The following CPXM2 variants were observed in gnomAD, a reference collection of about 807,000 sequenced individuals.
The protein encoded by CPXM2 is inactive carboxypeptidase-like protein X2.
In CPXM2, 66 loss-of-function variants were observed where a neutral mutation model predicts 86.1. The ratio of observed to expected loss-of-function variants is 0.77; its 90% CI spans 0.63 to 0.94. The LOEUF is 0.94. Among genes scored for constraint, CPXM2 ranks in the 40% least tolerant of loss-of-function variants. The pLI, the probability that CPXM2 is intolerant of heterozygous loss-of-function variation, is 0.00. For missense variants in CPXM2, 948 were observed against 1,026.3 expected, an observed-to-expected ratio of 0.92 and a Z score of 1.04; for synonymous variants, 388 against 400.2, an observed-to-expected ratio of 0.97 and a Z score of 0.36.
intron 13 of CPXM2, chr10:123,752,338 T>C (rs1031176531): frequency 3.7e-5 from 36 of 984,828 alleles, no homozygotes; most frequent in Non-Finnish European, 4.1e-5. Context: ...TTCATGGCTA[T>C]AAGATCAGTG....
At chr10:123,818,855 C>T (rs1163123507) in intron 4 of CPXM2, among the ~76,000 whole-genome samples, 1 of 152,304 alleles carries the variant, frequency 6.6e-6, no homozygotes, top group South Asian at 2.1e-4. Context: ...ATATATGGTA[C>T]TGTTTCTCCC....
chr10:123,828,508 T>C lies in CPXM2; in HGVS notation c.653+13841A>G, dbSNP rs183419613. Among the ~76,000 whole-genome samples, 53 of 152,316 alleles carry C rather than the reference T, an allele frequency of 3.5e-4. 1 individual carries two copies. Among genetic ancestry groups the C allele is most frequent in the African/African-American group, 1.0e-3 (43 of 41,576 alleles). ...TCATGAGATCTGATGGTTTTATAAA[T>C]AGGAGTTTGCCTGCACAAGCTCTCT... is the stretch of plus-strand genomic sequence containing the variant. On this transcript the variant is annotated intron_variant, in intron 4 of 13. Transcript: ENST00000241305.
At chr10:123,920,523 T>C (rs1201686977) in intron 2 of CPXM2, among the ~76,000 whole-genome samples, 1 of 152,220 alleles carries the variant, frequency 6.6e-6, no homozygotes, top group East Asian at 1.9e-4. Context: ...ATACTATGCA[T>C]AGAGAAAAAG....
intron 6 of CPXM2, among the ~76,000 whole-genome samples, chr10:123,787,474 C>T (rs1349347179): frequency 6.6e-6 from 1 of 152,114 alleles, no homozygotes; most frequent in Non-Finnish European, 1.5e-5. Context: ...ACTGGGATTA[C>T]AGGCACCCAC....
At chr10:123,899,369 C>T (rs1052503977) in intron 2 of CPXM2, among the ~76,000 whole-genome samples, 5 of 152,136 alleles carry the variant, frequency 3.3e-5, no homozygotes, top group Non-Finnish European at 7.4e-5. Flanking sequence ...TGTAATTTAT[C>T]GTGTCAACAG....
At chr10:123,815,405 A>C (rs1847793004) in intron 4 of CPXM2, among the ~76,000 whole-genome samples, 1 of 152,204 alleles carries the variant, frequency 6.6e-6, no homozygotes. Context: ...TTAGTGTTAA[A>C]GTGAGGGCAT....
chr10:123,817,505 G>A (rs756181733), intron 4 of CPXM2, among the ~76,000 whole-genome samples: 5 of 152,158 alleles, frequency 3.3e-5, no homozygotes, highest in Non-Finnish European at 7.4e-5. Flanking sequence ...AAGTCACCAT[G>A]CGACCTCAAC....
At chr10:123,929,413 G>A (rs916124027) in intron 2 of CPXM2, among the ~76,000 whole-genome samples, 13 of 152,218 alleles carry the variant, frequency 8.5e-5, no homozygotes, top group Admixed American at 8.5e-4. Context: ...GGCTTTATGG[G>A]CCAGAGTCCC....
chr10:123,776,333 ACT>A (rs1250638004), intron 7 of CPXM2, among the ~76,000 whole-genome samples: 1 of 151,902 alleles, frequency 6.6e-6, no homozygotes, highest in Non-Finnish European at 1.5e-5. Context: ...TCTCTTCAAG[ACT>A]CTGTTTTCCC....
rs771434376 is a variant in CPXM2, at chr10:123,928,534, T to C, written n.174+10943A>G. 7.2e-4 allele frequency among the ~76,000 whole-genome samples: 109 copies of C among 152,224 alleles called. 2 individuals are homozygous for C. Among genetic ancestry groups the C allele is most frequent in the Non-Finnish European group, 1.2e-4 (8 of 68,028 alleles). ...TGATCCTATGTTGACCAACAGATGA[T>C]GGTAGAAACATCCCTATCTCTATGT... On this transcript the variant is annotated intron_variant and non_coding_transcript_variant, in intron 2 of 19. Transcript: ENST00000368854.
In CPXM2 at chr10:123,880,276, T is replaced by C. The variant is rs145829011; in HGVS notation, c.338A>G (p.Lys113Arg). ...KHSNKKVMRT[K>R]SSEKAANDDH... ...ATCGTTGGCAGCCTTCTCAGAGCTC[T>C]TGGTTCTCATAACTTTTTTGTTGCT... is the stretch of plus-strand genomic sequence containing the variant. Residue 113 changes from lysine to arginine, a missense_variant, in exon 2 of 14, where the codon AAG becomes AGG. By Grantham distance (26) the Lys-to-Arg change is conservative. Coordinates refer to ENST00000241305, the MANE Select transcript of CPXM2 (RefSeq NM_198148.3). 24 of 1,595,742 alleles carry C rather than the reference T, an allele frequency of 1.5e-5. No individual in the cohort carries two copies. In the African/African-American group the frequency reaches 2.4e-4, roughly 16 times the overall value.
chr10:123,830,622 C>T (rs991202730), intron 4 of CPXM2, among the ~76,000 whole-genome samples: 1 of 152,196 alleles, frequency 6.6e-6, no homozygotes, highest in East Asian at 1.9e-4. Context: ...GGAAGCTGGC[C>T]GCCTCCTCTT....
intron 1 of CPXM2, among the ~76,000 whole-genome samples, chr10:123,884,439 G>A (rs1358816294): frequency 1.3e-5 from 2 of 152,198 alleles, no homozygotes; most frequent in Non-Finnish European, 2.9e-5. Context: ...CAGGGAAAGG[G>A]CCATGACACA....
At chr10:123,881,221 G>A (rs943438670) in intron 1 of CPXM2, among the ~76,000 whole-genome samples, 1 of 63,910 alleles carries the variant, frequency 1.6e-5, no homozygotes, top group Non-Finnish European at 3.2e-5. Context: ...CCTTCTCCTG[G>A]AGCACCCTTC....
At chr10:123,786,448 G>A (rs1243265064) in intron 6 of CPXM2, among the ~76,000 whole-genome samples, 2 of 152,210 alleles carry the variant, frequency 1.3e-5, no homozygotes, top group East Asian at 3.9e-4. Flanking sequence ...TGTGGCATCA[G>A]GCAGTTCAAG....
intron 1 of CPXM2, among the ~76,000 whole-genome samples, chr10:123,883,117 ACT>A (rs1945120431): frequency 6.6e-6 from 1 of 152,124 alleles, no homozygotes; most frequent in African/African-American, 2.4e-5. Flanking sequence ...CTGTGAGGAA[ACT>A]CTGGGACTCA....
chr10:123,897,967 A>G (rs570236218), intron 2 of CPXM2, among the ~76,000 whole-genome samples: 34 of 152,276 alleles, frequency 2.2e-4, no homozygotes, highest in African/African-American at 7.9e-4. Flanking sequence ...AGCAGTGCCA[A>G]ATGCAGTTGG....
At chr10:123,910,166 C>T (rs980124228) in intron 2 of CPXM2, among the ~76,000 whole-genome samples, 9 of 152,148 alleles carry the variant, frequency 5.9e-5, no homozygotes, top group African/African-American at 1.7e-4. Flanking sequence ...CCTGCACATT[C>T]GCGCCCCTGC....
rs537047960 is a variant in CPXM2 at position 123,757,252 on chromosome 10, C to A, written c.1878G>T (p.Trp626Cys). 6.8e-6 allele frequency: 11 copies of A among 1,614,096 alleles called. No homozygotes were observed. The African/African-American group carries it at 1.5e-4, about 22-fold the overall frequency. The change falls in exon 12 of 14, where the codon TGG (tryptophan) becomes TGT (cysteine). Residue 626 changes from tryptophan (W) to cysteine (C), a missense_variant. Transcript: ENST00000241305. ...YPHESQLPEE[W>C]ENNRESLIVF... The stretch of plus-strand genomic sequence containing the variant: ...CGATCAGAGATTCCCGGTTATTCTC[C>A]CACTCCTCGGGCAGCTGGCTCTCAT...
Sources: gnomAD v4.1 joint callset for allele counts (sites outside exome capture counted in the v4.1 genomes callset) on GRCh38, gnomAD v4.1.1 for gene constraint, MANE v1.5 for transcripts, NCBI Gene and HGNC (gene_info 2026-07-23, HGNC 2026-07-21) for gene names.